The following TMEM132B variants were observed in gnomAD, a reference collection of about 807,000 sequenced individuals.
TMEM132B encodes the protein transmembrane protein 132B.
Under a neutral mutation model 90.8 loss-of-function variants are expected in TMEM132B, and 18 were observed. The observed-to-expected ratio is 0.20, with a 90% CI of 0.14 to 0.29. TMEM132B has a LOEUF of 0.29. Ranked by LOEUF, TMEM132B falls within the 10% of genes least tolerant of loss-of-function variation. The pLI, the probability that TMEM132B is intolerant of heterozygous loss-of-function variation, is 1.00. For missense variants in TMEM132B, 1,096 were observed against 1,326.8 expected (o/e 0.83, Z 2.70); for synonymous variants, 504 against 523.3 (o/e 0.96, Z 0.50).
intron 4 of TMEM132B, among the ~76,000 whole-genome samples, chr12:125,543,401 TA>T (rs2136735456): frequency 6.6e-6 from 1 of 152,368 alleles, no homozygotes; most frequent in African/African-American, 2.4e-5. Context: ...ACATAAAATT[TA>T]CATCGTTTTA....
intron 1 of TMEM132B, among the ~76,000 whole-genome samples, chr12:125,317,729 G>T (rs1196342583): frequency 6.6e-6 from 1 of 152,138 alleles, no homozygotes; most frequent in Admixed American, 6.5e-5. Context: ...GCCAGAAGGG[G>T]TGGCCAGTGT....
chr12:125,323,807 C>G (rs181572233), intron 1 of TMEM132B, among the ~76,000 whole-genome samples: 30 of 152,328 alleles, frequency 2.0e-4, no homozygotes, highest in Non-Finnish European at 4.3e-4. Context: ...GCGTGAGCCA[C>G]CGTACTGGGC....
At chr12:125,271,421 A>G (rs1380435445) in intron 1 of TMEM132B, among the ~76,000 whole-genome samples, 2 of 152,180 alleles carry the variant, frequency 1.3e-5, no homozygotes, top group East Asian at 1.9e-4. Context: ...TGCCATGGGT[A>G]TGGTGGTGGA....
chr12:125,293,219 C>T (rs1875586522), intron 1 of TMEM132B, among the ~76,000 whole-genome samples: 1 of 152,240 alleles, frequency 6.6e-6, no homozygotes, highest in South Asian at 2.1e-4. Flanking sequence ...CTCACATGGA[C>T]AAGAGGACCT....
intron 1 of TMEM132B, among the ~76,000 whole-genome samples, chr12:125,190,616 GATA>G (rs1380531619): frequency 9.6e-6 from 1 of 103,988 alleles, no homozygotes; most frequent in Non-Finnish European, 2.0e-5. Context: ...TGGTGATGGT[GATA>G]GTGATGGTGA....
intron 4 of TMEM132B, among the ~76,000 whole-genome samples, chr12:125,541,674 C>G (rs942653990): frequency 6.6e-6 from 1 of 151,752 alleles, no homozygotes; most frequent in East Asian, 1.9e-4. Context: ...AAATGACTTC[C>G]TCAAATCAAG....
intron 5 of TMEM132B, among the ~76,000 whole-genome samples, chr12:125,619,525 C>A (rs1886071230): frequency 6.6e-6 from 1 of 151,978 alleles, no homozygotes; most frequent in Non-Finnish European, 1.5e-5. Flanking sequence ...CCACCACACC[C>A]GGCTAATTTT....
chr12:125,248,953 C>T (rs1874260800), intron 1 of TMEM132B, among the ~76,000 whole-genome samples: 1 of 152,172 alleles, frequency 6.6e-6, no homozygotes, highest in African/African-American at 2.4e-5. Flanking sequence ...ACCTGCCAGT[C>T]ACCCAGACTG....
At chr12:125,645,861 C>T (rs934561506) in intron 6 of TMEM132B, among the ~76,000 whole-genome samples, 4 of 152,138 alleles carry the variant, frequency 2.6e-5, no homozygotes, top group South Asian at 2.1e-4. Flanking sequence ...GGAATGTAGC[C>T]GTAACTCATA....
At position 125,653,551 on chromosome 12, in the gene TMEM132B, T is replaced by G. The variant is rs1231882232; in HGVS notation, c.2107-14T>G. Reference sequence around the variant, plus strand: ...TCTGATTATAACATAATGCTTTGGTTTCATTTTCCTCAGGAAGCAATAGTA... The same window carrying G: ...TCTGATTATAACATAATGCTTTGGTGTCATTTTCCTCAGGAAGCAATAGTA... On this transcript the variant is annotated splice_polypyrimidine_tract_variant and intron_variant, in intron 8 of 8. Transcript: ENST00000682704. 6.3e-7 allele frequency: 1 copy of G among 1,592,898 alleles called. No homozygotes were observed. The highest frequency in any genetic ancestry group is 8.6e-7 in the Non-Finnish European group (1 of 1,165,914).
rs1182933033 is a variant in TMEM132B at position 125,656,434 on chromosome 12, G to A, written c.*1724G>A. On this transcript the variant is annotated 3_prime_UTR_variant, in exon 9 of 9. Coordinates refer to ENST00000682704, the MANE Select transcript of TMEM132B (RefSeq NM_001366854.1). ...CGCCTCCTCTAGCCATGACGTGGCA[G>A]CCAAAAAGTTCTTCCTGTATCTCTG... The A allele has an allele frequency of 6.6e-6, 1 of 152,396 alleles. No homozygotes were observed. The highest frequency in any genetic ancestry group is 1.5e-5 in the Non-Finnish European group (1 of 68,102). The allele number at this position is 152,396 out of a possible 1,614,324, so 9.4% of individuals were successfully genotyped here.
At chr12:125,591,940 G>T (rs1482266007) in intron 5 of TMEM132B, among the ~76,000 whole-genome samples, 1 of 152,112 alleles carries the variant, frequency 6.6e-6, no homozygotes. Context: ...ACATTCACAG[G>T]TGCTGGGGGT....
rs1216621282 is a variant in TMEM132B at position 125,415,249 on chromosome 12, C to A, written c.960-282C>A. 6.6e-6 allele frequency among the ~76,000 whole-genome samples: 1 copy of A among 152,166 alleles called. No individual in the cohort carries two copies. Among genetic ancestry groups the A allele is most frequent in the Non-Finnish European group, 1.5e-5 (1 of 68,030 alleles). On this transcript the variant is annotated intron_variant, in intron 2 of 8. Transcript: ENST00000682704. This position sits in a 1 kb window ranked among gnomAD's most constrained non-coding sequence, Gnocchi z 5.3. ...GTCTCATTTGCATCATGCTGGGATCCCTGGAGCAGCAAGTGATCTGGTTCC... is the reference window on the plus strand; with the variant it reads ...GTCTCATTTGCATCATGCTGGGATCACTGGAGCAGCAAGTGATCTGGTTCC...
chr12:125,493,210 G>A (rs1431907299), intron 3 of TMEM132B, among the ~76,000 whole-genome samples: 2 of 152,126 alleles, frequency 1.3e-5, no homozygotes, highest in South Asian at 2.1e-4. Context: ...CTTTGAGGAG[G>A]GCATTCCCAG....
intron 4 of TMEM132B, among the ~76,000 whole-genome samples, chr12:125,555,564 T>TG (rs1415724684): frequency 4.6e-4 from 48 of 103,536 alleles, no homozygotes; most frequent in Non-Finnish European, 8.2e-4. Context: ...GGGCCTGTTG[T>TG]GGGGTGGGGG....
chr12:125,536,946 T>C (rs1883815179), intron 4 of TMEM132B, among the ~76,000 whole-genome samples: 1 of 152,234 alleles, frequency 6.6e-6, no homozygotes, highest in East Asian at 1.9e-4. Context: ...ATACGAGCCT[T>C]ACTGTTTACT....
chr12:125,218,769 G>GGTT (rs1555232375), intron 1 of TMEM132B, among the ~76,000 whole-genome samples: 2 of 108,854 alleles, frequency 1.8e-5, no homozygotes, highest in Admixed American at 2.4e-4. Flanking sequence ...TGTTGAAGCT[G>GGTT]TTTTTTTTTT....
At chr12:125,625,277 C>T (rs528623652) in intron 5 of TMEM132B, among the ~76,000 whole-genome samples, 13 of 151,892 alleles carry the variant, frequency 8.6e-5, no homozygotes, top group African/African-American at 2.4e-4. Flanking sequence ...GGACTACAGG[C>T]GCCCGCCCCC....
At chr12:125,475,485 A>G (rs1448661137) in intron 3 of TMEM132B, among the ~76,000 whole-genome samples, 1 of 152,140 alleles carries the variant, frequency 6.6e-6, no homozygotes, top group Non-Finnish European at 1.5e-5. Flanking sequence ...GCCAAGGCAG[A>G]CCCAGCCTTA....
Sources: allele counts gnomAD v4.1 joint callset (sites outside exome capture counted in the v4.1 genomes callset), GRCh38; gene constraint gnomAD v4.1.1; non-coding constraint Gnocchi (gnomAD v3.1); transcripts MANE v1.5; gene names NCBI Gene and HGNC (gene_info 2026-07-23, HGNC 2026-07-21).